The following WAC variants were observed in gnomAD, a reference collection of about 807,000 sequenced individuals.
The protein encoded by WAC is WW domain containing adaptor with coiled-coil.
Under a neutral mutation model 79.6 loss-of-function variants are expected in WAC, and 11 were observed. The observed-to-expected ratio is 0.14, with a 90% CI of 0.09 to 0.23. The LOEUF (loss-of-function observed/expected upper bound fraction) is 0.23. Ranked by LOEUF, WAC falls within the 10% of genes least tolerant of loss-of-function variation. The pLI is 1.00. For synonymous variants in WAC, 304 were observed against 276.9 expected, an observed-to-expected ratio of 1.10 and a Z score of -0.97; for missense variants, 728 against 773.5, an observed-to-expected ratio of 0.94 and a Z score of 0.70.
At chr10:28,614,196 T>G (rs954459954) in intron 10 of WAC, among the ~76,000 whole-genome samples, 2 of 152,008 alleles carry the variant, frequency 1.3e-5, no homozygotes, top group East Asian at 1.9e-4. Flanking sequence ...AGCTCCGCCT[T>G]CCGGGTTCAC....
intron 7 of WAC, among the ~76,000 whole-genome samples, chr10:28,603,989 GT>G (rs1840795294): frequency 3.8e-5 from 1 of 26,414 alleles, no homozygotes; most frequent in Non-Finnish European, 6.2e-5. Flanking sequence ...ATATATATAT[GT>G]ATATATATAT....
chr10:28,537,456 T>A (rs1204694815), intron 3 of WAC: 1 of 152,212 alleles, frequency 6.6e-6, no homozygotes, highest in Admixed American at 6.5e-5. Flanking sequence ...GCACCTCATC[T>A]TCTTACAAAT....
At chr10:28,541,415 G>GTGTTTTTTTTTTTTTT (rs1212601285) in intron 3 of WAC, among the ~76,000 whole-genome samples, 2 of 37,904 alleles carry the variant, frequency 5.3e-5, no homozygotes, top group South Asian at 1.2e-3. Context: ...GTGTGTGTGT[G>GTGTTTTTTTTTTTTTT]TTTTGTTTTT....
chr10:28,614,462 A>G, intron 10 of WAC, 105 bp from the exon 11 acceptor site: 1 of 175,578 alleles, frequency 5.7e-6, no homozygotes. Flanking sequence ...TAAGTTTCAG[A>G]ACTTGACTGC....
intron 3 of WAC, among the ~76,000 whole-genome samples, chr10:28,541,671 A>G (rs932166103): frequency 2.0e-5 from 3 of 151,964 alleles, no homozygotes; most frequent in South Asian, 2.1e-4. Flanking sequence ...AAATAGGCTG[A>G]TCAGTATTAT....
intron 3 of WAC, among the ~76,000 whole-genome samples, chr10:28,553,553 G>A (rs905780829): frequency 3.3e-5 from 5 of 151,920 alleles, no homozygotes; most frequent in African/African-American, 1.2e-4. Context: ...TTCCCTTAAG[G>A]CACTCATGGT....
chr10:28,547,845 G>C (rs1837439193), intron 3 of WAC, among the ~76,000 whole-genome samples: 1 of 149,926 alleles, frequency 6.7e-6, no homozygotes, highest in Non-Finnish European at 1.5e-5. Flanking sequence ...GTAAGTGTAG[G>C]CCTTTTTTCG....
intron 3 of WAC, among the ~76,000 whole-genome samples, chr10:28,566,917 A>G (rs929612154): frequency 1.4e-5 from 2 of 145,706 alleles, no homozygotes; most frequent in Non-Finnish European, 3.0e-5. Flanking sequence ...ATTTCAGGGA[A>G]GTTTTGTTTT....
chr10:28,580,225 C>T (rs1470720409), intron 3 of WAC, among the ~76,000 whole-genome samples: 1 of 152,162 alleles, frequency 6.6e-6, no homozygotes, highest in Middle Eastern at 3.2e-3. Context: ...AAAACACATA[C>T]ACTAGACCTA....
intron 13 of WAC, among the ~76,000 whole-genome samples, 184 bp from the exon 14 acceptor site, chr10:28,619,353 T>A (rs941747648): frequency 6.6e-6 from 1 of 152,212 alleles, no homozygotes; most frequent in Non-Finnish European, 1.5e-5. Context: ...TTAATAGATA[T>A]TATGTATTAA....
At chr10:28,616,415 T>A in intron 12 of WAC, 53 bp downstream of exon 12, 1 of 1,365,594 alleles carries the variant, frequency 7.3e-7, no homozygotes, top group South Asian at 1.7e-5. Flanking sequence ...AAAACAGAAT[T>A]TAATCAACTT....
intron 1 of WAC, 35 bp downstream of exon 1, chr10:28,533,655 CG>C (rs756504844): frequency 1.2e-4 from 141 of 1,203,662 alleles, no homozygotes; most frequent in Non-Finnish European, 1.6e-4. Flanking sequence ...CGGGCGGCGG[CG>C]GGGGGCGGCG....
Position 28,608,192 on chromosome 10 carries a change from C to T in WAC, c.926C>T (p.Thr309Ile). The T allele has an allele frequency of 6.2e-7, 1 of 1,613,998 alleles. No individual in the cohort carries two copies. Among genetic ancestry groups the T allele is most frequent in the Non-Finnish European group, 8.5e-7 (1 of 1,180,006 alleles). Reference protein sequence around the residue: ...PAQKTERKESTSGDKPVSHSC... With the variant: ...PAQKTERKESISGDKPVSHSC... The stretch of plus-strand genomic sequence containing the variant: ...TGATTATCTTTTTATTTAGAATCTA[C>T]ATCAGGAGACAAACCCGTATCACAT... The change falls in exon 8 of 14, where the codon ACA becomes ATA. Residue 309 changes from threonine (T) to isoleucine (I), a missense_variant. Physicochemically the swap from Thr to Ile is moderately conservative, Grantham distance 89. Transcript: ENST00000354911.
intron 3 of WAC, among the ~76,000 whole-genome samples, chr10:28,563,744 C>CTTTTTTTTGTTTTTTTT (rs1838427780): frequency 1.5e-5 from 1 of 67,936 alleles, no homozygotes; most frequent in Non-Finnish European, 2.6e-5. Context: ...CTACACCCAG[C>CTTTTTTTTGTTTTTTTT]TTTTTTTTTT....
intron 3 of WAC, among the ~76,000 whole-genome samples, chr10:28,553,405 A>G (rs1169338919): frequency 1.3e-5 from 2 of 152,310 alleles, no homozygotes; most frequent in East Asian, 1.9e-4. Context: ...GAAATAGTAG[A>G]TACTAAGCAT....
At chr10:28,563,769 T>TTTTTTTTTTTTTTTTTTTTTTTTTA (rs1163758803) in intron 3 of WAC, among the ~76,000 whole-genome samples, 1 of 120,554 alleles carries the variant, frequency 8.3e-6, no homozygotes, top group Non-Finnish European at 1.9e-5. Flanking sequence ...TTTTTTTTTT[T>TTTTTTTTTTTTTTTTTTTTTTTTTA]TTTTGTATTT....
At chr10:28,594,324 C>T (rs977985805) in intron 6 of WAC, among the ~76,000 whole-genome samples, 1 of 152,090 alleles carries the variant, frequency 6.6e-6, no homozygotes, top group Non-Finnish European at 1.5e-5. Flanking sequence ...TGATATTATT[C>T]CTGCTATGTC....
At chr10:28,573,067 T>TAACTC in intron 3 of WAC, among the ~76,000 whole-genome samples, 1 of 152,110 alleles carries the variant, frequency 6.6e-6, no homozygotes, top group Non-Finnish European at 1.5e-5. Flanking sequence ...AAGGAGTGGC[T>TAACTC]CTTAACATGG....
At chr10:28,596,991 G>T (rs1247712165) in intron 7 of WAC, among the ~76,000 whole-genome samples, 33 of 152,010 alleles carry the variant, frequency 2.2e-4, no homozygotes, top group Admixed American at 2.2e-3. Context: ...GATTAATAGA[G>T]ACTAATATTT....
Sources: allele counts gnomAD v4.1 joint callset (sites outside exome capture counted in the v4.1 genomes callset), GRCh38; gene constraint gnomAD v4.1.1; transcripts MANE v1.5; gene names NCBI Gene and HGNC (gene_info 2026-07-23, HGNC 2026-07-21).